The following BANF2 variants were observed in gnomAD, a reference collection of about 807,000 sequenced individuals.
BANF2 encodes the protein barrier-to-autointegration factor-like protein.
BANF2 carries 4 observed loss-of-function variants against 8.0 expected under a neutral mutation model. That is an observed-to-expected ratio of 0.50 (90% CI 0.25 to 1.14). The LOEUF is 1.14. Ranked by LOEUF, BANF2 falls within the 50% of genes most tolerant of loss-of-function variation. The probability of loss-of-function intolerance (pLI) is 0.16; values close to 1 mark genes in which losing one functional copy is unlikely to be tolerated. For synonymous variants in BANF2, 50 were observed against 40.6 expected, an observed-to-expected ratio of 1.23 and a Z score of -0.88; for missense variants, 96 against 107.5, an observed-to-expected ratio of 0.89 and a Z score of 0.47.
At chr20:17,715,520 C>T (rs1046642186) in intron 1 of BANF2, among the ~76,000 whole-genome samples, 3 of 152,202 alleles carry the variant, frequency 2.0e-5, no homozygotes, top group African/African-American at 7.2e-5. Context: ...AAATCTTGTT[C>T]CCCATTGCAG....
intron 1 of BANF2, among the ~76,000 whole-genome samples, chr20:17,720,684 G>A (rs768652759): frequency 3.9e-5 from 6 of 152,178 alleles, no homozygotes; most frequent in Non-Finnish European, 7.3e-5. Flanking sequence ...CAATGGATAT[G>A]GAGTTTCAAT....
intron 3 of BANF2, among the ~76,000 whole-genome samples, chr20:17,727,865 A>G (rs1304675545): frequency 6.6e-6 from 1 of 152,082 alleles, no homozygotes; most frequent in African/African-American, 2.4e-5. Context: ...CAGCCTCCCA[A>G]GTAGCTAAGA....
chr20:17,722,786 A>G lies in BANF2; in HGVS notation c.-96A>G, dbSNP rs888603679. On this transcript the variant is annotated 5_prime_UTR_variant, in exon 2 of 4. Transcript: ENST00000246090. ...TTCCAAAATCAGTGCCTTTGGATTC[A>G]TCTCTTCCGGGAGAGTTCAGTGTCT... 7.3e-5 allele frequency: 72 copies of G among 984,752 alleles called. No individual in the cohort carries two copies. The Middle Eastern group carries it at 4.2e-3, about 57-fold the overall frequency. The allele number at this position is 984,752 out of a possible 1,614,324, so 61.0% of individuals were successfully genotyped here. A position where few individuals can be genotyped will look rare whatever the true frequency, so the allele number is the denominator to read the frequency against.
chr20:17,702,644 T>C (rs944343311), intron 1 of BANF2, among the ~76,000 whole-genome samples: 1 of 152,174 alleles, frequency 6.6e-6, no homozygotes, highest in Non-Finnish European at 1.5e-5. Flanking sequence ...GTGGATAATT[T>C]GGACCCACTG....
chr20:17,717,094 G>A (rs1388586035), intron 1 of BANF2, among the ~76,000 whole-genome samples: 2 of 152,072 alleles, frequency 1.3e-5, no homozygotes, highest in African/African-American at 4.8e-5. Flanking sequence ...GAGAGTGTGG[G>A]TAGAGGTACA....
In BANF2 at chr20:17,735,652, A is replaced by C; in HGVS notation, c.127-13A>C. 6.2e-7 allele frequency: 1 copy of C among 1,612,200 alleles called. No homozygotes were observed. The highest frequency in any genetic ancestry group is 8.5e-7 in the Non-Finnish European group (1 of 1,178,688). Reference sequence around the variant, plus strand: ...CCTTTCCTGCTTTCCTCCCTGTCTCATCCCCTCCCCAGGCCTACATCCTGC... The same window carrying C: ...CCTTTCCTGCTTTCCTCCCTGTCTCCTCCCCTCCCCAGGCCTACATCCTGC... On this transcript the variant is annotated splice_polypyrimidine_tract_variant and intron_variant, in intron 3 of 3. Transcript: ENST00000246090.
chr20:17,695,722 T>C (rs1486376977), upstream of BANF2, among the ~76,000 whole-genome samples: 3 of 152,138 alleles, frequency 2.0e-5, no homozygotes, highest in East Asian at 5.8e-4. Flanking sequence ...ACATTAAGTG[T>C]ACAAGTTGAT....
At chr20:17,695,524 A>G (rs936019140), upstream of BANF2, among the ~76,000 whole-genome samples, 4 of 151,566 alleles carry the variant, frequency 2.6e-5, no homozygotes, top group East Asian at 7.7e-4. Context: ...AAAATTACCT[A>G]TAATCTCATC....
chr20:17,701,147 G>T (rs932001875), intron 1 of BANF2, among the ~76,000 whole-genome samples: 1 of 152,156 alleles, frequency 6.6e-6, no homozygotes, highest in Admixed American at 6.5e-5. Context: ...GACGCCAATG[G>T]TTCACCAAGC....
At chr20:17,726,881 G>A (rs746267403) in intron 3 of BANF2, among the ~76,000 whole-genome samples, 34 of 152,212 alleles carry the variant, frequency 2.2e-4, no homozygotes, top group Admixed American at 5.9e-4. Flanking sequence ...ATAGTTCTAT[G>A]AGTTTGGACA....
intron 3 of BANF2, among the ~76,000 whole-genome samples, chr20:17,726,559 G>C (rs1270330032): frequency 6.6e-6 from 1 of 152,118 alleles, no homozygotes; most frequent in South Asian, 2.1e-4. Flanking sequence ...ATACCGAGGA[G>C]AATATGTGTT....
intron 1 of BANF2, among the ~76,000 whole-genome samples, chr20:17,703,593 G>A (rs1182133287): frequency 6.6e-6 from 1 of 152,156 alleles, no homozygotes; most frequent in South Asian, 2.1e-4. Context: ...TGTCACTGAG[G>A]GTCACTCAGC....
At chr20:17,710,666 C>A (rs1412230682) in intron 1 of BANF2, among the ~76,000 whole-genome samples, 1 of 152,190 alleles carries the variant, frequency 6.6e-6, no homozygotes, top group Non-Finnish European at 1.5e-5. Context: ...TGCTTGCCTC[C>A]GAGGTGACTT....
At chr20:17,715,826 A>C (rs6044961) in intron 1 of BANF2, among the ~76,000 whole-genome samples, 60,889 of 152,144 alleles carry the variant, frequency 0.4, 13,090 homozygotes, top group African/African-American at 0.54. Context: ...AGCAAAAATG[A>C]CTATTTTGTT....
At chr20:17,724,285 C>G (rs1028302223) in intron 2 of BANF2, among the ~76,000 whole-genome samples, 1 of 152,302 alleles carries the variant, frequency 6.6e-6, no homozygotes, top group East Asian at 1.9e-4. Flanking sequence ...AATTGATGAG[C>G]AAGTCCTGCT....
chr20:17,710,864 C>T (rs74372213), intron 1 of BANF2, among the ~76,000 whole-genome samples: 6 of 151,450 alleles, frequency 4.0e-5, no homozygotes, highest in South Asian at 2.1e-4. Context: ...TTGCAGTTCC[C>T]GCAGCAACCC....
chr20:17,733,126 A>G (rs981958188), intron 3 of BANF2, among the ~76,000 whole-genome samples: 3 of 152,326 alleles, frequency 2.0e-5, no homozygotes, highest in Admixed American at 2.0e-4. Flanking sequence ...ACATGTTCCC[A>G]GGCATCCTGG....
chr20:17,703,797 A>G (rs2037444027), intron 1 of BANF2, among the ~76,000 whole-genome samples: 2 of 139,860 alleles, frequency 1.4e-5, no homozygotes, highest in South Asian at 4.4e-4. Context: ...GCTGGAGTGC[A>G]GTGGTGTGAT....
intron 1 of BANF2, among the ~76,000 whole-genome samples, chr20:17,701,742 T>C (rs1056014967): frequency 1.3e-5 from 2 of 152,108 alleles, no homozygotes; most frequent in Non-Finnish European, 1.5e-5. Context: ...GGAAGAACCA[T>C]AGAGATCAGC....
Sources: allele counts gnomAD v4.1 joint callset (sites outside exome capture counted in the v4.1 genomes callset), GRCh38; gene constraint gnomAD v4.1.1; transcripts MANE v1.5; gene names NCBI Gene and HGNC (gene_info 2026-07-23, HGNC 2026-07-21).